C10orf90: variants seen among roughly 807,000 people sequenced by gnomAD.
The protein encoded by C10orf90 is (E2-independent) E3 ubiquitin-conjugating enzyme FATS.
A neutral mutation model predicts 62.5 loss-of-function variants in C10orf90; 56 were observed. That is an observed-to-expected ratio of 0.90 (90% CI 0.72 to 1.12). The LOEUF (loss-of-function observed/expected upper bound fraction) is 1.12, where lower values mean the gene tolerates loss of function less well. Ranked by LOEUF, C10orf90 falls within the 50% of genes most tolerant of loss-of-function variation. The pLI is 0.00. For missense variants in C10orf90, 970 were observed against 880.4 expected, an observed-to-expected ratio of 1.10 and a Z score of -1.29; for synonymous variants, 386 against 340.4, an observed-to-expected ratio of 1.13 and a Z score of -1.47.
chr10:126,547,218 G>C (rs1011846960), intron 2 of C10orf90, among the ~76,000 whole-genome samples: 1 of 152,082 alleles, frequency 6.6e-6, no homozygotes, highest in South Asian at 2.1e-4. Flanking sequence ...AGGAGATCGA[G>C]ACCATCCTGG....
chr10:126,504,154 G>C lies in C10orf90; in HGVS notation c.1337C>G (p.Ser446Trp). Reference sequence around the variant, plus strand: ...GGTCCCCAAATGCACCCGCCTCAACGATGGGGTTTCCTTCAAGTGACTTTC... The same window carrying C: ...GGTCCCCAAATGCACCCGCCTCAACCATGGGGTTTCCTTCAAGTGACTTTC... ...LQESHLKETPSLRRVHLGTGA... is the reference protein window; with the variant it reads ...LQESHLKETPWLRRVHLGTGA... The change falls in exon 4 of 10, where the codon TCG (serine) becomes TGG (tryptophan). Residue 446 changes from serine (S) to tryptophan (W), a missense_variant. By Grantham distance (177) the Ser-to-Trp change is radical. Transcript: ENST00000488181. The surrounding 1 kb of genome is among the most constrained non-coding windows in gnomAD (Gnocchi z 4.1). 3 of 1,614,130 alleles carry C rather than the reference G, an allele frequency of 1.9e-6. No homozygotes were observed. The highest frequency in any genetic ancestry group is 1.1e-5 in the South Asian group (1 of 91,070).
At chr10:126,447,158 G>C (rs1343175056) in intron 7 of C10orf90, among the ~76,000 whole-genome samples, 1 of 151,626 alleles carries the variant, frequency 6.6e-6, no homozygotes, top group Non-Finnish European at 1.5e-5. Flanking sequence ...AATGGCAGCA[G>C]TAATATCTTA....
intron 2 of C10orf90, among the ~76,000 whole-genome samples, chr10:126,594,150 A>G (rs1379007359): frequency 7.2e-6 from 1 of 138,378 alleles, no homozygotes; most frequent in African/African-American, 2.8e-5. Flanking sequence ...GTCAATCTCT[A>G]TGTGCTAAAG....
chr10:126,570,799 C>T (rs57001993), intron 2 of C10orf90, among the ~76,000 whole-genome samples: 5,182 of 152,238 alleles, frequency 0.034, 298 homozygotes, highest in African/African-American at 0.12. Context: ...TTTCATGATA[C>T]TAGGCCACAG....
At chr10:126,565,206 TG>T (rs1844328562) in intron 2 of C10orf90, among the ~76,000 whole-genome samples, 1 of 61,688 alleles carries the variant, frequency 1.6e-5, no homozygotes, top group African/African-American at 5.7e-5. Context: ...TTACATATTA[TG>T]TAATATAATT....
intron 2 of C10orf90, among the ~76,000 whole-genome samples, chr10:126,552,832 C>T (rs1864667142): frequency 6.6e-6 from 1 of 152,200 alleles, no homozygotes; most frequent in Non-Finnish European, 1.5e-5. Flanking sequence ...AGGAATAAAA[C>T]CAATATCTAT....
intron 4 of C10orf90, among the ~76,000 whole-genome samples, chr10:126,481,265 CA>C: frequency 6.6e-6 from 1 of 152,248 alleles, no homozygotes; most frequent in East Asian, 1.9e-4. Flanking sequence ...CTCTTATCAC[CA>C]TTGAAATATC....
chr10:126,549,790 G>A, intron 2 of C10orf90, among the ~76,000 whole-genome samples: 1 of 151,340 alleles, frequency 6.6e-6, no homozygotes. Flanking sequence ...GTCCTTCAGT[G>A]GATGAATGGC....
intron 4 of C10orf90, chr10:126,469,855 G>A (rs1161547232): frequency 4.4e-6 from 2 of 456,776 alleles, no homozygotes; most frequent in Non-Finnish European, 8.8e-6. Context: ...CTCTGCATGG[G>A]CGCCTGCAGG....
chr10:126,665,613 T>G (rs1413241586), intron 1 of C10orf90, among the ~76,000 whole-genome samples: 1 of 152,114 alleles, frequency 6.6e-6, no homozygotes, highest in African/African-American at 2.4e-5. Flanking sequence ...AAACAATGAT[T>G]TCCAGATATT....
intron 2 of C10orf90, among the ~76,000 whole-genome samples, chr10:126,609,711 G>A (rs1037401206): frequency 2.0e-5 from 3 of 152,214 alleles, no homozygotes; most frequent in African/African-American, 7.2e-5. Flanking sequence ...CAGGGAGAAG[G>A]AGCCTGTGAA....
intron 2 of C10orf90, among the ~76,000 whole-genome samples, chr10:126,559,196 T>G (rs1214545361): frequency 6.6e-6 from 1 of 152,254 alleles, no homozygotes; most frequent in Non-Finnish European, 1.5e-5. Flanking sequence ...TTGTTAAATA[T>G]TTTCAATGTC....
At chr10:126,561,220 A>ATAATTAGAAAGTT (rs1564871895) in intron 2 of C10orf90, among the ~76,000 whole-genome samples, 2 of 152,220 alleles carry the variant, frequency 1.3e-5, no homozygotes, top group Non-Finnish European at 2.9e-5. Flanking sequence ...AAAGTACACC[A>ATAATTAGAAAGTT]AGAATATAAT....
At chr10:126,647,162 T>C (rs1846188462) in intron 1 of C10orf90, among the ~76,000 whole-genome samples, 1 of 152,228 alleles carries the variant, frequency 6.6e-6, no homozygotes, top group South Asian at 2.1e-4. Context: ...ATTTCTTTTG[T>C]GATTTTATTC....
chr10:126,526,409 TA>T (rs1429156106), intron 2 of C10orf90, among the ~76,000 whole-genome samples: 4 of 152,000 alleles, frequency 2.6e-5, no homozygotes, highest in African/African-American at 9.7e-5. Context: ...CACACCCGGC[TA>T]ATTTTTTATA....
intron 3 of C10orf90, among the ~76,000 whole-genome samples, chr10:126,513,061 G>A (rs928246168): frequency 1.3e-5 from 2 of 152,126 alleles, no homozygotes; most frequent in Non-Finnish European, 2.9e-5. Flanking sequence ...ACAAAATTTG[G>A]CGGCAGAATC....
At chr10:126,527,013 C>T (rs924570035) in intron 2 of C10orf90, among the ~76,000 whole-genome samples, 1 of 152,170 alleles carries the variant, frequency 6.6e-6, no homozygotes, top group East Asian at 1.9e-4. Flanking sequence ...TATAATACTA[C>T]TACTGTGAAA....
intron 2 of C10orf90, among the ~76,000 whole-genome samples, chr10:126,552,835 A>G (rs911877654): frequency 6.6e-6 from 1 of 152,270 alleles, no homozygotes; most frequent in South Asian, 2.1e-4. Context: ...AATAAAACCA[A>G]TATCTATATC....
intron 4 of C10orf90, among the ~76,000 whole-genome samples, chr10:126,496,909 A>C (rs2133858139): frequency 6.6e-6 from 1 of 152,346 alleles, no homozygotes; most frequent in African/African-American, 2.4e-5. Flanking sequence ...CCAATGACTC[A>C]GTTGAATCCT....
Sources: gnomAD v4.1 joint callset for allele counts (sites outside exome capture counted in the v4.1 genomes callset) on GRCh38, gnomAD v4.1.1 for gene constraint, Gnocchi (gnomAD v3.1) non-coding constraint, MANE v1.5 for transcripts, NCBI Gene and HGNC (gene_info 2026-07-23, HGNC 2026-07-21) for gene names.